The following PRR14L variants were observed in gnomAD, a reference collection of about 807,000 sequenced individuals.
PRR14L encodes proline rich 14 like, also known as protein PRR14L.
A neutral mutation model predicts 155.0 loss-of-function variants in PRR14L; 80 were observed. The observed-to-expected ratio is 0.52, with a 90% CI of 0.43 to 0.62. The LOEUF is 0.62. PRR14L is among the 20% of genes least tolerant of loss of function. The probability of loss-of-function intolerance (pLI) is 0.00; values close to 1 mark genes in which losing one functional copy is unlikely to be tolerated. For synonymous variants in PRR14L, 883 were observed against 916.0 expected (o/e 0.96, Z 0.65); for missense variants, 2,469 against 2,548.0 (o/e 0.97, Z 0.67).
At position 31,715,989 on chromosome 22, in the gene PRR14L, T is replaced by C; in HGVS notation, c.1850A>G (p.His617Arg). The change falls in exon 4 of 9, where the codon CAT (histidine) becomes CGT (arginine). Residue 617 changes from histidine to arginine, a missense_variant. His to Arg is a conservative substitution (Grantham distance 29). Coordinates refer to ENST00000327423, the MANE Select transcript of PRR14L (RefSeq NM_173566.3). The part of the protein sequence containing the change: ...PESEKVIQTS[H>R]DDIPLLDEQS... ...TTCATCTAAAAGTGGAATATCATCA[T>C]GTGAGGTCTGTATAACTTTTTCTGA... 2 of 1,551,348 alleles carry C rather than the reference T, an allele frequency of 1.3e-6. No homozygotes were observed. The highest frequency in any genetic ancestry group is 1.7e-6 in the Non-Finnish European group (2 of 1,146,928).
chr22:31,727,310 T>C (rs131240), intron 2 of PRR14L, among the ~76,000 whole-genome samples: 1 of 151,154 alleles, frequency 6.6e-6, no homozygotes, highest in African/African-American at 2.4e-5. Flanking sequence ...CTCGGCTCAC[T>C]GCAATCTCTG....
Position 31,682,697 on chromosome 22 carries a change from C to G in PRR14L, c.*2830G>C, listed in dbSNP as rs1170782397. 2 of 152,178 alleles carry G rather than the reference C, an allele frequency of 1.3e-5. No individual in the cohort carries two copies. Among genetic ancestry groups the G allele is most frequent in the Admixed American group, 6.5e-5 (1 of 15,272 alleles). The allele number at this position is 152,178 out of a possible 1,614,324, so 9.4% of individuals were successfully genotyped here. A position where few individuals can be genotyped will look rare whatever the true frequency, so the allele number is the denominator to read the frequency against. ...TCTCCTCTTTCCCATATTAAAAACA[C>G]TAAACCTCTGGAAGTGATAGTTGAG... On this transcript the variant is annotated 3_prime_UTR_variant, in exon 9 of 9. Transcript: ENST00000327423.
In PRR14L at chr22:31,717,349, C is replaced by T. The variant is rs1481674605; in HGVS notation, c.548-58G>A. On this transcript the variant is annotated intron_variant, in intron 3 of 8. Coordinates refer to ENST00000327423, the MANE Select transcript of PRR14L (RefSeq NM_173566.3). Reference sequence around the variant, plus strand: ...CAGTAATAAAAAATCACTTGGTCTACCTTCATGCATTTTATTATGCTATGC... The same window carrying T: ...CAGTAATAAAAAATCACTTGGTCTATCTTCATGCATTTTATTATGCTATGC... 5.2e-6 allele frequency: 7 copies of T among 1,337,120 alleles called. No homozygotes were observed. The East Asian group carries it at 1.5e-4, about 29-fold the overall frequency. The allele number at this position is 1,337,120 out of a possible 1,614,324, so 82.8% of individuals were successfully genotyped here.
chr22:31,749,945 G>A (rs1367108321), intron 1 of PRR14L, 48 bp downstream of exon 1: 1 of 152,814 alleles, frequency 6.5e-6, no homozygotes, highest in Non-Finnish European at 1.5e-5. Context: ...TTAGGGCGGA[G>A]TGGGGCGGGG....
chr22:31,737,950 G>A (rs1003943311), intron 2 of PRR14L, among the ~76,000 whole-genome samples: 1 of 152,006 alleles, frequency 6.6e-6, no homozygotes. Context: ...AGAAGGCAGA[G>A]GTTGCAGTGA....
chr22:31,708,182 G>C (rs12160120), intron 4 of PRR14L, among the ~76,000 whole-genome samples: 15,867 of 151,970 alleles, frequency 0.1, 1,061 homozygotes, highest in African/African-American at 0.18. Flanking sequence ...AAAAACTGTA[G>C]GACATGTACT....
chr22:31,730,138 T>TAAAAA (rs534900377), intron 2 of PRR14L, among the ~76,000 whole-genome samples: 1 of 113,464 alleles, frequency 8.8e-6, no homozygotes, highest in Non-Finnish European at 1.8e-5. Flanking sequence ...AGACTCAGTC[T>TAAAAA]AAAAAAAAAA....
chr22:31,703,580 G>A lies in PRR14L; in HGVS notation c.5970C>T (p.Cys1990=), dbSNP rs1230818076. Residue 1990 remains cysteine (C), a synonymous_variant, in exon 6 of 9, where the codon TGC becomes TGT. Transcript: ENST00000327423. The stretch of plus-strand genomic sequence containing the variant: ...TCTGTTCTGGGGGGCTGCTCTGTGG[G>A]CAGGGGCATGCTGCTTTCACACCAT... ...ELDGVKAACP[C]PQSSPPEQKE... is the part of the protein sequence containing the mutation. 6.2e-7 allele frequency: 1 copy of A among 1,613,644 alleles called. No homozygotes were observed.
At chr22:31,696,907 G>C (rs2074537376) in intron 7 of PRR14L, among the ~76,000 whole-genome samples, 2 of 152,260 alleles carry the variant, frequency 1.3e-5, no homozygotes, top group South Asian at 4.1e-4. Flanking sequence ...ATGAGGTCAG[G>C]AGTTTGAGAC....
Position 31,715,165 on chromosome 22 carries a change from T to A in PRR14L, c.2674A>T (p.Thr892Ser). The change falls in exon 4 of 9, where the codon ACC becomes TCC. Residue 892 changes from threonine (T) to serine (S), a missense_variant. By Grantham distance (58) the Thr-to-Ser change is moderately conservative. Around this residue, in one of 2 missense-constraint regions of PRR14L, gnomAD observed 2,363 missense variants for 2,371.6 expected, o/e 1.00. Coordinates refer to ENST00000327423, the MANE Select transcript of PRR14L (RefSeq NM_173566.3). ...NSGISNKTIH[T>S]SSSIKLSEEG... ...TCACTGAGTTTGATGCTACTGGAGG[T>A]GTGAATGGTTTTGTTTGAAATTCCA... The A allele has an allele frequency of 6.4e-7, 1 of 1,551,832 alleles. No individual in the cohort carries two copies. Among genetic ancestry groups the A allele is most frequent in the South Asian group, 1.2e-5 (1 of 84,066 alleles).
intron 2 of PRR14L, among the ~76,000 whole-genome samples, chr22:31,733,901 C>T (rs989191151): frequency 6.6e-6 from 1 of 150,728 alleles, no homozygotes; most frequent in African/African-American, 2.5e-5. Context: ...TTAACCACCA[C>T]CACCACACAC....
Position 31,685,945 on chromosome 22 carries a change from T to C in PRR14L, c.6180-142A>G, listed in dbSNP as rs112515401. The C allele has an allele frequency of 2.9e-3, 2,180 of 742,126 alleles. 27 individuals are homozygous for C. In the African/African-American group the frequency reaches 0.03, roughly 10 times the overall value. The allele number at this position is 742,126 out of a possible 1,614,324, so 46.0% of individuals were successfully genotyped here. ...CTACTTGCGCCAACTCTTTTTCTTT[T>C]TTTTGTGAGACAGAATTTCACTCTT... On this transcript the variant is annotated intron_variant, in intron 8 of 8. Coordinates refer to ENST00000327423, the MANE Select transcript of PRR14L (RefSeq NM_173566.3).
intron 7 of PRR14L, among the ~76,000 whole-genome samples, chr22:31,696,703 A>AATGAT (rs2074536421): frequency 6.6e-6 from 1 of 152,224 alleles, no homozygotes; most frequent in South Asian, 2.1e-4. Context: ...CATCAATCAA[A>AATGAT]ACACTCATTT....
At chr22:31,693,978 A>G (rs1317300649) in intron 7 of PRR14L, among the ~76,000 whole-genome samples, 1 of 152,176 alleles carries the variant, frequency 6.6e-6, no homozygotes, top group Non-Finnish European at 1.5e-5. Context: ...TTTCTTTAAC[A>G]TATAAAACAC....
intron 7 of PRR14L, among the ~76,000 whole-genome samples, chr22:31,688,901 T>TAC (rs149232375): frequency 0.059 from 8,773 of 147,792 alleles, 313 homozygotes; most frequent in African/African-American, 0.098. Context: ...AATATATACA[T>TAC]ACACACACAC....
In PRR14L at chr22:31,682,880, G is replaced by A. The variant is rs1292810971; in HGVS notation, c.*2647C>T. On this transcript the variant is annotated 3_prime_UTR_variant, in exon 9 of 9. Transcript: ENST00000327423. ...TGTCCCATCGTGGTTAGGGACCACG[G>A]GCCTGGGGACCCCTGACAACACTGC... 6.6e-6 allele frequency: 1 copy of A among 152,232 alleles called. No individual in the cohort carries two copies. The highest frequency in any genetic ancestry group is 1.9e-4 in the East Asian group (1 of 5,190). The allele number at this position is 152,232 out of a possible 1,614,324, so 9.4% of individuals were successfully genotyped here.
chr22:31,711,641 G>T (rs111967176), intron 4 of PRR14L, among the ~76,000 whole-genome samples: 2 of 150,844 alleles, frequency 1.3e-5, no homozygotes, highest in African/African-American at 4.9e-5. Context: ...AAACTTAGCC[G>T]GGTGTGGTGG....
rs372884542 is a variant in PRR14L, at chr22:31,728,450, TA to T, written c.475-2841del. Among the ~76,000 whole-genome samples, 1,280 of 151,858 alleles carry T rather than the reference TA, an allele frequency of 8.4e-3. 23 individuals carry two copies. Among genetic ancestry groups the T allele is most frequent in the African/African-American group, 0.029 (1,195 of 41,412 alleles). On this transcript the variant is annotated intron_variant, in intron 2 of 8. Coordinates refer to ENST00000327423, the MANE Select transcript of PRR14L (RefSeq NM_173566.3). ...CAACATGGAGAAACCCTGTCTCTAC[TA>T]AAAAATATATAATTAGCTGGGCATG...
chr22:31,721,225 C>G (rs1390050146), intron 3 of PRR14L, among the ~76,000 whole-genome samples: 1 of 152,200 alleles, frequency 6.6e-6, no homozygotes, highest in Non-Finnish European at 1.5e-5. Context: ...ACTGCTCCCC[C>G]AGGTCCACTT....
Sources: allele counts gnomAD v4.1 joint callset (sites outside exome capture counted in the v4.1 genomes callset), GRCh38; gene constraint gnomAD v4.1.1; regional missense constraint gnomAD v4.1.1; transcripts MANE v1.5; gene names NCBI Gene and HGNC (gene_info 2026-07-23, HGNC 2026-07-21).